The following ELFN1 variants were observed in gnomAD, a reference collection of about 807,000 sequenced individuals.
ELFN1 encodes the protein extracellular leucine rich repeat and fibronectin type III domain containing 1, also known as protein ELFN1.
In ELFN1, 6 loss-of-function variants were observed where a neutral mutation model predicts 7.6. The ratio of observed to expected loss-of-function variants is 0.79; its 90% CI spans 0.43 to 1.56. The LOEUF (loss-of-function observed/expected upper bound fraction) is 1.56. Ranked by LOEUF, ELFN1 falls within the 40% of genes most tolerant of loss-of-function variation. The pLI, the probability that ELFN1 is intolerant of heterozygous loss-of-function variation, is 0.01. For missense variants in ELFN1, 1,169 were observed against 1,232.2 expected (o/e 0.95, Z 0.77); for synonymous variants, 657 against 588.1 (o/e 1.12, Z -1.70).
At chr7:1,714,398 C>T (rs1302165380) in intron 3 of ELFN1, among the ~76,000 whole-genome samples, 1 of 152,220 alleles carries the variant, frequency 6.6e-6, no homozygotes, top group Admixed American at 6.5e-5. Flanking sequence ...CCACCCCCCA[C>T]ACCACCTCTG....
intron 1 of ELFN1, among the ~76,000 whole-genome samples, chr7:1,675,752 G>A (rs930194833): frequency 7.2e-5 from 11 of 152,220 alleles, no homozygotes; most frequent in Admixed American, 6.5e-5. Flanking sequence ...CCGGAGGGAC[G>A]AGTCAAGGAC....
chr7:1,722,033 TGGGAATGGCTGACCTGGTCAGGGGCCC>T (rs1303344178), intron 3 of ELFN1, among the ~76,000 whole-genome samples: 1 of 152,104 alleles, frequency 6.6e-6, no homozygotes, highest in African/African-American at 2.4e-5. Context: ...TGCGCAGCCC[TGGGAATGGCTGACCTGGTCAGGGGCCC>T]GGGTGGCCCA....
rs1324740863 is a variant in ELFN1 at position 1,695,192 on chromosome 7, C to G, written c.-456+7042C>G. 6.6e-6 allele frequency among the ~76,000 whole-genome samples: 1 copy of G among 152,212 alleles called. No individual in the cohort carries two copies. Among genetic ancestry groups the G allele is most frequent in the African/African-American group, 2.4e-5 (1 of 41,458 alleles). On this transcript the variant is annotated intron_variant, in intron 2 of 3. Transcript: ENST00000424383. The surrounding 1 kb of genome is among the most constrained non-coding windows in gnomAD (Gnocchi z 5.1). ...CCCGCTGGGGCTGTGAGGGTTCTGT[C>G]CATCCACCAGGAAGGCCACCAGGAC...
chr7:1,727,099 A>T (rs994909359), intron 3 of ELFN1, among the ~76,000 whole-genome samples: 4 of 152,184 alleles, frequency 2.6e-5, no homozygotes, highest in African/African-American at 9.6e-5. Context: ...CCATGAAGAC[A>T]GCAACCCTGT....
At chr7:1,666,510 CA>C (rs1483895240), upstream of ELFN1, among the ~76,000 whole-genome samples, 9 of 152,052 alleles carry the variant, frequency 5.9e-5, no homozygotes, top group Non-Finnish European at 1.3e-4. The surrounding 1 kb of genome is among the most constrained non-coding windows in gnomAD (Gnocchi z 7.9). Context: ...CTGGGCCGGA[CA>C]AACTTCCCTC....
chr7:1,715,593 T>G (rs950653805), intron 3 of ELFN1, among the ~76,000 whole-genome samples: 1 of 152,240 alleles, frequency 6.6e-6, no homozygotes, highest in Non-Finnish European at 1.5e-5. Flanking sequence ...AGCCTCCTCC[T>G]GCAGGCAGGC....
chr7:1,676,386 G>A (rs1376402345), intron 1 of ELFN1, among the ~76,000 whole-genome samples: 1 of 152,252 alleles, frequency 6.6e-6, no homozygotes, highest in Non-Finnish European at 1.5e-5. Flanking sequence ...AGATCATGGG[G>A]TGGCCCGGGC....
At chr7:1,692,196 G>A (rs1196456051) in intron 2 of ELFN1, 1 of 152,308 alleles carries the variant, frequency 6.6e-6, no homozygotes, top group Non-Finnish European at 1.5e-5. Context: ...TGTGTGCCAA[G>A]TAGCACTCCT....
chr7:1,693,632 A>C, intron 2 of ELFN1: 1 of 471,238 alleles, frequency 2.1e-6, no homozygotes. Flanking sequence ...GGCGGTGCCC[A>C]GTCCGTGTGA....
intron 1 of ELFN1, among the ~76,000 whole-genome samples, chr7:1,680,616 T>G (rs55898015): frequency 0.14 from 20,653 of 152,104 alleles, 1,433 homozygotes; most frequent in Middle Eastern, 0.19. Flanking sequence ...TTTCATGCAT[T>G]CATAGAGTTG....
chr7:1,723,413 A>G (rs1780085124), intron 3 of ELFN1, among the ~76,000 whole-genome samples: 1 of 152,234 alleles, frequency 6.6e-6, no homozygotes, highest in South Asian at 2.1e-4. Flanking sequence ...CGTGTGGTAC[A>G]GCAGGTATCT....
chr7:1,678,868 C>A (rs890236507), intron 1 of ELFN1, among the ~76,000 whole-genome samples: 9 of 152,230 alleles, frequency 5.9e-5, no homozygotes, highest in African/African-American at 1.9e-4. Context: ...GGGGTGCGGG[C>A]ATCGCGTGGA....
rs554058818 is a variant in ELFN1, at chr7:1,740,476, G to T, written c.-293-3828G>T. ...TAATGATCGGATCGCTGGACGTGGG[G>T]TGCAGCGGCAGGTGTGAGTGCGGAT... On this transcript the variant is annotated intron_variant, in intron 3 of 3. Transcript: ENST00000424383. This position sits in a 1 kb window ranked among gnomAD's most constrained non-coding sequence, Gnocchi z 5.0. Among the ~76,000 whole-genome samples the T allele has an allele frequency of 6.6e-6, 1 of 152,360 alleles. No homozygotes were observed. Among genetic ancestry groups the T allele is most frequent in the South Asian group, 2.1e-4 (1 of 4,830 alleles).
chr7:1,710,916 A>G (rs1779635510), intron 3 of ELFN1, among the ~76,000 whole-genome samples: 1 of 152,210 alleles, frequency 6.6e-6, no homozygotes, highest in South Asian at 2.1e-4. Context: ...AGAGAAGGGA[A>G]GGGACTCACT....
rs1383990830 is a variant in ELFN1 at position 1,707,705 on chromosome 7, G to C, written c.-455-1386G>C. On this transcript the variant is annotated intron_variant, in intron 2 of 3. Transcript: ENST00000424383. ...ATACACACCATTATTATTTCAATTA[G>C]TGGTTAAGTAATAATCTCTAACTGA... is the stretch of plus-strand genomic sequence containing the variant. Among the ~76,000 whole-genome samples, 6 of 152,338 alleles carry C rather than the reference G, an allele frequency of 3.9e-5. No individual in the cohort carries two copies. In the South Asian group the frequency reaches 1.2e-3, roughly 32 times the overall value.
Position 1,744,621 on chromosome 7 carries a change from C to CT in ELFN1, c.26dup (p.Trp10ValfsTer249). 1.3e-6 allele frequency: 2 copies of CT among 1,546,146 alleles called. No individual in the cohort carries two copies. The highest frequency in any genetic ancestry group is 1.7e-6 in the Non-Finnish European group (2 of 1,144,400). ...GATGGCCGGGCGTGGGTGGGGCGCG[C>CT]TGTGGGTGTGCGTGGCGGCCGCCAC... On this transcript the variant is annotated frameshift_variant, in exon 4 of 4. Transcript: ENST00000424383. LOFTEE classifies it low-confidence loss of function (END_TRUNC).
At chr7:1,683,515 G>A (rs548669749) in intron 1 of ELFN1, among the ~76,000 whole-genome samples, 9 of 152,270 alleles carry the variant, frequency 5.9e-5, no homozygotes, top group South Asian at 2.1e-4. Flanking sequence ...AAAACATTGT[G>A]TGGTCTTTTG....
rs111457141 is a variant in ELFN1 at position 1,746,953 on chromosome 7, G to A, written c.2357G>A (p.Arg786Gln). 22 of 1,551,272 alleles carry A rather than the reference G, an allele frequency of 1.4e-5. No individual in the cohort carries two copies. Among genetic ancestry groups the A allele is most frequent in the Non-Finnish European group, 1.8e-5 (21 of 1,147,818 alleles). ...IWERFRLSRR[R>Q]HKEEEEFMAA... ...GAGCGCTTCAGACTGAGCCGCCGGC[G>A]GCACAAGGAGGAAGAGGAGTTCATG... is the stretch of plus-strand genomic sequence containing the variant. The change falls in exon 4 of 4, where the codon CGG (arginine) becomes CAG (glutamine). Residue 786 changes from arginine (R) to glutamine (Q), a missense_variant. Physicochemically the swap from Arg to Gln is conservative, Grantham distance 43. Around this residue, in one of 2 missense-constraint regions of ELFN1, gnomAD observed 914 missense variants for 872.6 expected, o/e 1.05. Transcript: ENST00000424383.
chr7:1,727,846 A>T (rs1166268293), intron 3 of ELFN1, among the ~76,000 whole-genome samples: 1 of 152,058 alleles, frequency 6.6e-6, no homozygotes, highest in African/African-American at 2.4e-5. Context: ...GGATTCAAGC[A>T]ATCCTCCCAC....
Sources: gnomAD v4.1 joint callset for allele counts (sites outside exome capture counted in the v4.1 genomes callset) on GRCh38, gnomAD v4.1.1 for gene constraint, gnomAD v4.1.1 regional missense constraint, Gnocchi (gnomAD v3.1) non-coding constraint, MANE v1.5 for transcripts, NCBI Gene and HGNC (gene_info 2026-07-23, HGNC 2026-07-21) for gene names.